Variants in KLHL7 observed in about 807,000 individuals in gnomAD.
KLHL7 encodes kelch-like protein 7.
Under a neutral mutation model 67.4 loss-of-function variants are expected in KLHL7, and 44 were observed. That is an observed-to-expected ratio of 0.65 (90% CI 0.51 to 0.84). KLHL7 has a LOEUF of 0.84. Ranked by LOEUF, KLHL7 falls within the 40% of genes least tolerant of loss-of-function variation. KLHL7 has a pLI of 0.00. For synonymous variants in KLHL7, 252 were observed against 243.3 expected (o/e 1.04, Z -0.33); for missense variants, 362 against 718.1 (o/e 0.50, Z 5.67).
chr7:23,134,563 A>C (rs13438452), intron 4 of KLHL7, among the ~76,000 whole-genome samples: 6 of 152,010 alleles, frequency 3.9e-5, no homozygotes, highest in Non-Finnish European at 7.4e-5. Flanking sequence ...GGTAGAATTC[A>C]TCAGGGAAGG....
rs181279274 is a variant in KLHL7 at position 23,140,051 on chromosome 7, A to G, written c.443-718A>G. On this transcript the variant is annotated intron_variant, in intron 4 of 10. Coordinates refer to ENST00000339077, the MANE Select transcript of KLHL7 (RefSeq NM_001031710.3). Reference sequence around the variant, plus strand: ...AAAAGTTTATATCTGAATAAGTTTGATGTATGTCATGTTTTTAAGTGGAGC... The same window carrying G: ...AAAAGTTTATATCTGAATAAGTTTGGTGTATGTCATGTTTTTAAGTGGAGC... Among the ~76,000 whole-genome samples the G allele has an allele frequency of 1.8e-3, 274 of 152,284 alleles. 1 individual carries two copies. Among genetic ancestry groups the G allele is most frequent in the Non-Finnish European group, 3.3e-3 (222 of 68,012 alleles).
chr7:23,122,045 A>T (rs1039556254), intron 1 of KLHL7, among the ~76,000 whole-genome samples: 1 of 152,098 alleles, frequency 6.6e-6, no homozygotes, highest in Non-Finnish European at 1.5e-5. Context: ...TACCATTTGG[A>T]TACAAAAGAC....
intron 3 of KLHL7, 81 bp from the exon 4 acceptor site, chr7:23,124,967 G>T: frequency 7.6e-7 from 1 of 1,310,462 alleles, no homozygotes; most frequent in Non-Finnish European, 1.1e-6. Flanking sequence ...TAATTTCAGG[G>T]GCTATTAGGA....
rs763172049 is a variant in KLHL7, at chr7:23,126,042, T to A, written c.442+870T>A. 11 of 687,126 alleles carry A rather than the reference T, an allele frequency of 1.6e-5. No individual in the cohort carries two copies. In the East Asian group the frequency reaches 2.8e-4, roughly 17 times the overall value. 42.6% of individuals were successfully genotyped at this position (687,126 alleles called of 1,614,324 possible). A position where few individuals can be genotyped will look rare whatever the true frequency, so the allele number is the denominator to read the frequency against. On this transcript the variant is annotated intron_variant, in intron 4 of 10. Transcript: ENST00000339077. ...ACAATAATAATAAAATAGAACAACT[T>A]TAACAATATGCTAGCATCACTACTC...
rs1782613564 is a variant in KLHL7 at position 23,105,928 on chromosome 7, C to G, written c.-99C>G. 1.3e-6 allele frequency: 2 copies of G among 1,522,372 alleles called. No homozygotes were observed. Among genetic ancestry groups the G allele is most frequent in the African/African-American group, 1.4e-5 (1 of 73,442 alleles). 94.3% of individuals were successfully genotyped at this position (1,522,372 alleles called of 1,614,324 possible). On this transcript the variant is annotated 5_prime_UTR_variant, in exon 1 of 11. Coordinates refer to ENST00000339077, the MANE Select transcript of KLHL7 (RefSeq NM_001031710.3). Reference sequence around the variant, plus strand: ...GAGCTGGGCGCTGCAGCTGCACTGCCGATCGCCGTGTTTGGTCGATAGAAT... The same window carrying G: ...GAGCTGGGCGCTGCAGCTGCACTGCGGATCGCCGTGTTTGGTCGATAGAAT...
intron 1 of KLHL7, chr7:23,117,974 TCCTC>T: frequency 6.2e-7 from 1 of 1,613,942 alleles, no homozygotes; most frequent in Non-Finnish European, 8.5e-7. Flanking sequence ...GGTTAGTCAT[TCCTC>T]AGTCTTCTCT....
chr7:23,163,794 T>G (rs1784920808), intron 7 of KLHL7, among the ~76,000 whole-genome samples: 1 of 152,184 alleles, frequency 6.6e-6, no homozygotes, highest in South Asian at 2.1e-4. Context: ...ACCCATATCT[T>G]TTCCAGGCTT....
chr7:23,121,300 G>A (rs897435708), intron 1 of KLHL7, among the ~76,000 whole-genome samples: 1 of 151,882 alleles, frequency 6.6e-6, no homozygotes, highest in East Asian at 1.9e-4. Flanking sequence ...GTAAACATGG[G>A]GGTGCAGATG....
intron 1 of KLHL7, among the ~76,000 whole-genome samples, chr7:23,115,473 T>G (rs61533735): frequency 0.022 from 3,406 of 152,242 alleles, 139 homozygotes; most frequent in African/African-American, 0.077. Flanking sequence ...GGGCACTGTT[T>G]ACCATCTATA....
At chr7:23,130,700 G>A (rs1394688832) in intron 4 of KLHL7, among the ~76,000 whole-genome samples, 2 of 152,090 alleles carry the variant, frequency 1.3e-5, no homozygotes, top group African/African-American at 2.4e-5. Flanking sequence ...GTTTAGAAAT[G>A]TATGTTTTAA....
intron 1 of KLHL7, among the ~76,000 whole-genome samples, chr7:23,113,829 A>G (rs1341902455): frequency 1.3e-5 from 2 of 152,222 alleles, no homozygotes; most frequent in East Asian, 1.9e-4. Context: ...TCTGTCTCAA[A>G]AAAACCCCCC....
At chr7:23,151,926 C>G (rs949607796) in intron 6 of KLHL7, 141 bp from the exon 7 acceptor site, 5 of 765,076 alleles carry the variant, frequency 6.5e-6, no homozygotes, top group Non-Finnish European at 1.1e-5. Context: ...TGCCTCTTCC[C>G]CCTCACTTTC....
chr7:23,114,907 C>T (rs1325528819), intron 1 of KLHL7, among the ~76,000 whole-genome samples: 1 of 152,218 alleles, frequency 6.6e-6, no homozygotes, highest in Non-Finnish European at 1.5e-5. Flanking sequence ...CACAGAATCT[C>T]CCAAATCTGA....
chr7:23,169,024 G>C (rs574881591), intron 9 of KLHL7, among the ~76,000 whole-genome samples: 1 of 152,240 alleles, frequency 6.6e-6, no homozygotes, highest in Admixed American at 6.5e-5. Flanking sequence ...ACTTTGGGAG[G>C]CTGAGGCAGG....
At chr7:23,141,469 G>A (rs1241434263) in intron 5 of KLHL7, among the ~76,000 whole-genome samples, 1 of 152,250 alleles carries the variant, frequency 6.6e-6, no homozygotes, top group Admixed American at 6.5e-5. Flanking sequence ...GGTTTCTCCT[G>A]TAGAGTCTCC....
At chr7:23,128,044 C>T (rs1352567573) in intron 4 of KLHL7, among the ~76,000 whole-genome samples, 1 of 151,236 alleles carries the variant, frequency 6.6e-6, no homozygotes, top group Non-Finnish European at 1.5e-5. Context: ...GCGGGAAAAT[C>T]GCTTGAACCG....
intron 4 of KLHL7, among the ~76,000 whole-genome samples, chr7:23,126,656 G>A (rs1425699763): frequency 1.3e-5 from 2 of 152,082 alleles, no homozygotes; most frequent in South Asian, 4.1e-4. Flanking sequence ...TCCTCCTTCC[G>A]GACACTTTAG....
chr7:23,171,483 C>G (rs1014352030), intron 9 of KLHL7, among the ~76,000 whole-genome samples: 2 of 152,118 alleles, frequency 1.3e-5, no homozygotes, highest in Non-Finnish European at 2.9e-5. Context: ...TTACTGCTGT[C>G]CCACTTCCGA....
At chr7:23,142,549 G>A (rs539615886) in intron 5 of KLHL7, among the ~76,000 whole-genome samples, 1 of 152,192 alleles carries the variant, frequency 6.6e-6, no homozygotes, top group East Asian at 1.9e-4. Context: ...CTGGAGAAAC[G>A]TTATAAACAG....
Sources: gnomAD v4.1 joint callset for allele counts (sites outside exome capture counted in the v4.1 genomes callset) on GRCh38, gnomAD v4.1.1 for gene constraint, MANE v1.5 for transcripts, NCBI Gene and HGNC (gene_info 2026-07-23, HGNC 2026-07-21) for gene names.